The following GRIN2A variants were observed in gnomAD, a reference collection of about 807,000 sequenced individuals.
GRIN2A encodes glutamate ionotropic receptor NMDA type subunit 2A.
Under a neutral mutation model 113.4 loss-of-function variants are expected in GRIN2A, and 22 were observed. The observed-to-expected ratio is 0.19, with a 90% CI of 0.14 to 0.28. The LOEUF is 0.28. Among genes scored for constraint, GRIN2A ranks in the 10% least tolerant of loss-of-function variants. The pLI is 1.00. For missense variants in GRIN2A, 1,502 were observed against 1,887.0 expected, an observed-to-expected ratio of 0.80 and a Z score of 3.78; for synonymous variants, 827 against 738.4, an observed-to-expected ratio of 1.12 and a Z score of -1.94.
chr16:10,156,068 T>C (rs138380729), intron 2 of GRIN2A, among the ~76,000 whole-genome samples: 30 of 152,224 alleles, frequency 2.0e-4, no homozygotes, highest in Non-Finnish European at 3.8e-4. Flanking sequence ...AAGGGTGATC[T>C]AGCCCAGGGT....
chr16:10,103,079 T>C (rs945170670), intron 2 of GRIN2A, among the ~76,000 whole-genome samples: 2 of 152,172 alleles, frequency 1.3e-5, no homozygotes, highest in Admixed American at 6.5e-5. Context: ...GATACTAATA[T>C]AGCAATTCCT....
chr16:9,967,818 A>C (rs929042398), intron 2 of GRIN2A, among the ~76,000 whole-genome samples: 1 of 152,146 alleles, frequency 6.6e-6, no homozygotes, highest in Non-Finnish European at 1.5e-5. Flanking sequence ...GGTGCACCAA[A>C]ATCTCAGAAA....
chr16:9,761,745 A>C lies in GRIN2A; in HGVS notation c.*1404T>G, dbSNP rs1349653316. 1 of 216,462 alleles carries C rather than the reference A, an allele frequency of 4.6e-6. No individual in the cohort carries two copies. The highest frequency in any genetic ancestry group is 9.3e-6 in the Non-Finnish European group (1 of 107,600). The allele number at this position is 216,462 out of a possible 1,614,324, so 13.4% of individuals were successfully genotyped here. ...AAAAAAATGGATATCATTTCATGTC[A>C]TATATGCACAGGTTTGAGGAGAATA... On this transcript the variant is annotated 3_prime_UTR_variant, in exon 13 of 13. Transcript: ENST00000330684.
chr16:10,071,393 A>C (rs1439275846), intron 2 of GRIN2A, among the ~76,000 whole-genome samples: 2 of 152,208 alleles, frequency 1.3e-5, no homozygotes, highest in Non-Finnish European at 2.9e-5. Flanking sequence ...TAAAACTGCA[A>C]TAATAGAGTC....
intron 2 of GRIN2A, among the ~76,000 whole-genome samples, chr16:9,995,940 G>A (rs2046213959): frequency 7.0e-6 from 1 of 142,784 alleles, no homozygotes; most frequent in Non-Finnish European, 1.5e-5. Context: ...GAAGGGCATT[G>A]ACCAAGAGTG....
chr16:10,049,648 G>T (rs2047323089), intron 2 of GRIN2A, among the ~76,000 whole-genome samples: 1 of 152,166 alleles, frequency 6.6e-6, no homozygotes, highest in African/African-American at 2.4e-5. Flanking sequence ...CAAAGTGCTG[G>T]GATTACAGGC....
At chr16:9,938,583 G>A (rs916073889) in intron 2 of GRIN2A, 32 bp from the exon 3 acceptor site, 2 of 1,513,106 alleles carry the variant, frequency 1.3e-6, no homozygotes, top group Non-Finnish European at 9.1e-7. Context: ...AACAGAGGAT[G>A]AGGCAGGAGG....
At chr16:9,998,042 C>T (rs922911796) in intron 2 of GRIN2A, among the ~76,000 whole-genome samples, 1 of 152,162 alleles carries the variant, frequency 6.6e-6, no homozygotes, top group African/African-American at 2.4e-5. Flanking sequence ...TATAACACCT[C>T]ATTCCATAAC....
chr16:10,145,504 A>G (rs1042910597), intron 2 of GRIN2A, among the ~76,000 whole-genome samples: 1 of 132,782 alleles, frequency 7.5e-6, no homozygotes. Flanking sequence ...ATGTCAATGC[A>G]GCTGTTTTTA....
chr16:10,176,765 G>A lies in GRIN2A; in HGVS notation c.414+3233C>T, dbSNP rs190930511. On this transcript the variant is annotated intron_variant, in intron 2 of 12. Coordinates refer to ENST00000330684, the MANE Select transcript of GRIN2A (RefSeq NM_001134407.3). ...CCTAATGTAAATGACGAGTTAATGGGTGCAGCACACCAACATGGCACATGT... is the reference window on the plus strand; with the variant it reads ...CCTAATGTAAATGACGAGTTAATGGATGCAGCACACCAACATGGCACATGT... Among the ~76,000 whole-genome samples the A allele has an allele frequency of 3.8e-3, 571 of 151,864 alleles. 2 individuals carry two copies. Among genetic ancestry groups the A allele is most frequent in the African/African-American group, 0.012 (497 of 41,420 alleles).
chr16:10,065,659 G>A (rs1019537601), intron 2 of GRIN2A, among the ~76,000 whole-genome samples: 1 of 152,200 alleles, frequency 6.6e-6, no homozygotes, highest in Non-Finnish European at 1.5e-5. Context: ...ATCTAGCATA[G>A]TTCTTGACTT....
intron 2 of GRIN2A, among the ~76,000 whole-genome samples, chr16:10,143,347 C>A (rs1209139699): frequency 6.6e-6 from 1 of 152,104 alleles, no homozygotes; most frequent in Non-Finnish European, 1.5e-5. Flanking sequence ...GATACATTTT[C>A]CTCTTAAATT....
intron 2 of GRIN2A, among the ~76,000 whole-genome samples, chr16:10,129,718 A>G (rs754613375): frequency 6.6e-6 from 1 of 152,246 alleles, no homozygotes; most frequent in Non-Finnish European, 1.5e-5. Context: ...ACAGCAAGCA[A>G]TTGATTTTAA....
At chr16:9,928,760 T>A (rs973535305) in intron 3 of GRIN2A, among the ~76,000 whole-genome samples, 1 of 152,082 alleles carries the variant, frequency 6.6e-6, no homozygotes, top group African/African-American at 2.4e-5. Flanking sequence ...ACCCATCACC[T>A]CCCTCATCCG....
chr16:10,038,440 G>C (rs922785583), intron 2 of GRIN2A, among the ~76,000 whole-genome samples: 1 of 152,060 alleles, frequency 6.6e-6, no homozygotes, highest in Admixed American at 6.5e-5. Flanking sequence ...CTCTGCATTG[G>C]AGGGGGCTGT....
chr16:9,910,724 A>C (rs2044118263), intron 3 of GRIN2A, among the ~76,000 whole-genome samples: 1 of 151,800 alleles, frequency 6.6e-6, no homozygotes, highest in Admixed American at 6.6e-5. Flanking sequence ...TTTTAGTAGA[A>C]ATGGAGTTTC....
intron 2 of GRIN2A, among the ~76,000 whole-genome samples, chr16:10,043,131 T>C (rs11074548): frequency 0.32 from 49,006 of 152,154 alleles, 8,376 homozygotes; most frequent in East Asian, 0.53. Flanking sequence ...TTACATTTGG[T>C]AGTATCTTAG....
chr16:9,952,874 A>C (rs532697209), intron 2 of GRIN2A, among the ~76,000 whole-genome samples: 7 of 152,318 alleles, frequency 4.6e-5, no homozygotes, highest in African/African-American at 1.2e-4. Flanking sequence ...AAGAGGGAGG[A>C]AGAAAGAGCA....
rs535124511 is a variant in GRIN2A, at chr16:9,928,770, G to A, written c.1007+9189C>T. 6.8e-4 allele frequency among the ~76,000 whole-genome samples: 103 copies of A among 152,080 alleles called. 2 individuals carry two copies. The highest frequency in any genetic ancestry group is 2.3e-3 in the African/African-American group (95 of 41,478). On this transcript the variant is annotated intron_variant, in intron 3 of 12. Transcript: ENST00000330684. ...CCACCACCCATCACCTCCCTCATCC[G>A]TCGAGACCCAAAGCTTCATCACTTC... is the stretch of plus-strand genomic sequence containing the variant.
Sources: gnomAD v4.1 joint callset for allele counts (sites outside exome capture counted in the v4.1 genomes callset) on GRCh38, gnomAD v4.1.1 for gene constraint, MANE v1.5 for transcripts, NCBI Gene and HGNC (gene_info 2026-07-23, HGNC 2026-07-21) for gene names.